Variants in APH1A observed in about 807,000 individuals in gnomAD.
APH1A encodes aph-1A gamma-secretase subunit, also known as gamma-secretase subunit APH-1A.
Under a neutral mutation model 30.3 loss-of-function variants are expected in APH1A, and 16 were observed. That is an observed-to-expected ratio of 0.53 (90% CI 0.36 to 0.80). The LOEUF is 0.80. APH1A is among the 30% of genes least tolerant of loss of function. The pLI, the probability that APH1A is intolerant of heterozygous loss-of-function variation, is 0.01. For missense variants in APH1A, 245 were observed against 337.8 expected (o/e 0.73, Z 2.15); for synonymous variants, 144 against 140.1 (o/e 1.03, Z -0.20).
intron 6 of APH1A, 102 bp downstream of exon 6, chr1:150,266,431 A>C: frequency 6.3e-7 from 1 of 1,576,466 alleles, no homozygotes; most frequent in Non-Finnish European, 8.6e-7. Context: ...AAGGAGACAG[A>C]GAATGTGGGC....
At chr1:150,268,467 C>T (rs920130837) in intron 1 of APH1A, 10 of 599,544 alleles carry the variant, frequency 1.7e-5, no homozygotes, top group Non-Finnish European at 2.6e-5. Flanking sequence ...GGCCTTGGGC[C>T]TTCTCTGACG....
At chr1:150,266,260 C>A in intron 6 of APH1A, 66 bp from the exon 7 acceptor site, 1 of 1,549,534 alleles carries the variant, frequency 6.5e-7, no homozygotes, top group South Asian at 1.2e-5. Context: ...AGGGGGAGTC[C>A]TGGACACAAC....
At chr1:150,266,475 G>T (rs1553849911) in intron 6 of APH1A, 58 bp downstream of exon 6, 13 of 1,611,076 alleles carry the variant, frequency 8.1e-6, no homozygotes, top group Non-Finnish European at 1.1e-5. Flanking sequence ...CTCAGTCATG[G>T]GCAGTGGACA....
chr1:150,266,679 G>A, intron 5 of APH1A, 23 bp from the exon 6 acceptor site: 1 of 1,612,998 alleles, frequency 6.2e-7, no homozygotes, highest in East Asian at 2.2e-5. Context: ...GTAAGAGTAG[G>A]AAAGAGATTA....
In APH1A at chr1:150,267,358, G is replaced by T; in HGVS notation, c.479C>A (p.Ser160Ter). 6.2e-7 allele frequency: 1 copy of T among 1,614,138 alleles called. No homozygotes were observed. Among genetic ancestry groups the T allele is most frequent in the Non-Finnish European group, 8.5e-7 (1 of 1,180,006 alleles). The change falls in exon 4 of 7, where the codon TCA (serine) becomes TAA (stop). Residue 160 changes from serine to a stop codon, truncating the protein, a stop_gained and splice_region_variant. Transcript: ENST00000369109. LOFTEE classifies it high-confidence loss of function. ...GCTAGATAGAAGGTGGATCTTACCTGAAGTCAGGAAGTAATAGGGTGAGTC... is the reference window on the plus strand; with the variant it reads ...GCTAGATAGAAGGTGGATCTTACCTTAAGTCAGGAAGTAATAGGGTGAGTC... ...HGDSPYYFLT[S>*]AFLTAAIILL...
intron 5 of APH1A, 111 bp downstream of exon 5, chr1:150,266,963 TC>T: frequency 6.6e-7 from 1 of 1,510,060 alleles, no homozygotes; most frequent in South Asian, 1.3e-5. Flanking sequence ...TCACCTTTCC[TC>T]CTCCTCCCAG....
Position 150,266,515 on chromosome 1 carries a change from C to T in APH1A, c.733+18G>A. Reference sequence around the variant, plus strand: ...GGTGGGATCTGTCAGGCGATCAGTCCAGGTAGTCAGTCCTTACACAAGAGG... The same window carrying T: ...GGTGGGATCTGTCAGGCGATCAGTCTAGGTAGTCAGTCCTTACACAAGAGG... On this transcript the variant is annotated intron_variant, in intron 6 of 6. Coordinates refer to ENST00000369109, the MANE Select transcript of APH1A (RefSeq NM_001077628.3). 1.9e-6 allele frequency: 3 copies of T among 1,613,962 alleles called. No homozygotes were observed. The East Asian group carries it at 6.7e-5, about 36-fold the overall frequency.
In APH1A at chr1:150,268,033, C is replaced by T. The variant is rs373094296; in HGVS notation, c.208G>A (p.Gly70Ser). ...ACAGCAGCACCAAAAATCAGGAGGC[C>T]GTACTGGAGCCGGGCATCTGACCGG... ...TDRSDARLQYGLLIFGAAVSV... is the reference protein window; with the variant it reads ...TDRSDARLQYSLLIFGAAVSV... Residue 70 changes from glycine to serine, a missense_variant, in exon 2 of 7, where the codon GGC becomes AGC. Gly to Ser is a moderately conservative substitution (Grantham distance 56). Transcript: ENST00000369109. 14 of 1,613,974 alleles carry T rather than the reference C, an allele frequency of 8.7e-6. No homozygotes were observed. The African/African-American group carries it at 9.3e-5, about 11-fold the overall frequency.
chr1:150,266,417 C>T (rs200341358), intron 6 of APH1A, 116 bp downstream of exon 6: 11 of 1,554,146 alleles, frequency 7.1e-6, no homozygotes, highest in South Asian at 3.7e-5. Flanking sequence ...GGTAGACCGA[C>T]GAGAAGGAGA....
At chr1:150,266,790 T>G (rs1651763359) in intron 5 of APH1A, 134 bp from the exon 6 acceptor site, 7 of 1,213,478 alleles carry the variant, frequency 5.8e-6, no homozygotes, top group Non-Finnish European at 6.8e-6. Context: ...CACCAACATC[T>G]TGTGGTTAAG....
rs1465979209 is a variant in APH1A at position 150,268,022 on chromosome 1, A to T, written c.219T>A (p.Ile73=). The stretch of plus-strand genomic sequence containing the variant: ...GAAGGACAGAGACAGCAGCACCAAA[A>T]ATCAGGAGGCCGTACTGGAGCCGGG... The part of the protein sequence containing the change: ...SDARLQYGLL[I]FGAAVSVLLQ... The change falls in exon 2 of 7, where the codon ATT becomes ATA. Residue 73 remains isoleucine, a synonymous_variant. Coordinates refer to ENST00000369109, the MANE Select transcript of APH1A (RefSeq NM_001077628.3). 6 of 1,614,122 alleles carry T rather than the reference A, an allele frequency of 3.7e-6. No homozygotes were observed. The South Asian group carries it at 6.6e-5, about 18-fold the overall frequency.
Position 150,265,941 on chromosome 1 carries a change from G to C in APH1A, c.*189C>G, listed in dbSNP as rs1201890717. The C allele has an allele frequency of 1.5e-6, 1 of 683,024 alleles. No individual in the cohort carries two copies. Among genetic ancestry groups the C allele is most frequent in the African/African-American group, 1.8e-5 (1 of 55,066 alleles). 42.3% of individuals were successfully genotyped at this position (683,024 alleles called of 1,614,324 possible). On this transcript the variant is annotated 3_prime_UTR_variant, in exon 7 of 7. Coordinates refer to ENST00000369109, the MANE Select transcript of APH1A (RefSeq NM_001077628.3). ...CCTGAGAAAAAGACCAAGATGTCCA[G>C]TCTTGAGGGAGTACTGAGAAACTCA...
Position 150,266,170 on chromosome 1 carries a change from AC to A in APH1A, c.757del (p.Val253Ter). The A allele has an allele frequency of 6.2e-7, 1 of 1,602,384 alleles. No homozygotes were observed. The highest frequency in any genetic ancestry group is 8.5e-7 in the Non-Finnish European group (1 of 1,174,622). On this transcript the variant is annotated frameshift_variant, in exon 7 of 7. Coordinates refer to ENST00000369109, the MANE Select transcript of APH1A (RefSeq NM_001077628.3). LOFTEE classifies it high-confidence loss of function. ...LLCRRQEDSR[V>X]MVYSALRIPP... ...GATGCGCAGGGCAGAATACACCATCACCCGACTGTCCTCCTGCCGTCGGCCT... is the reference window on the plus strand; with the variant it reads ...GATGCGCAGGGCAGAATACACCATCACCGACTGTCCTCCTGCCGTCGGCCT...
At chr1:150,266,854 T>A in intron 5 of APH1A, 198 bp from the exon 6 acceptor site, 1 of 1,018,756 alleles carries the variant, frequency 9.8e-7, no homozygotes, top group Non-Finnish European at 1.4e-6. Flanking sequence ...CCGCTCCTGC[T>A]CACCTCAGGC....
Position 150,267,192 on chromosome 1 carries a change from T to C in APH1A, c.492A>G (p.Thr164=), listed in dbSNP as rs1651796862. ...AGGTATGGAGCAGGATAATGGCTGC[T>C]GTCAGAAAGGCTGCAGGGAGGGAGA... ...PYYFLTSAFL[T]AAIILLHTFW... is the part of the protein sequence containing the mutation. The change falls in exon 5 of 7, where the codon ACA becomes ACG. Residue 164 remains threonine (T), a synonymous_variant. Coordinates refer to ENST00000369109, the MANE Select transcript of APH1A (RefSeq NM_001077628.3). The C allele has an allele frequency of 6.2e-7, 1 of 1,614,074 alleles. No individual in the cohort carries two copies. The highest frequency in any genetic ancestry group is 1.3e-5 in the African/African-American group (1 of 74,916).
chr1:150,268,496 G>A, intron 1 of APH1A: 1 of 616,904 alleles, frequency 1.6e-6, no homozygotes, highest in Non-Finnish European at 2.8e-6. Flanking sequence ...AGGAATATAG[G>A]AGGAATCTGT....
At chr1:150,267,918 C>G in intron 2 of APH1A, 39 bp downstream of exon 2, 1 of 1,613,188 alleles carries the variant, frequency 6.2e-7, no homozygotes, top group Non-Finnish European at 8.5e-7. Context: ...TAGTGCAGTC[C>G]TTTGCCCCTC....
intron 5 of APH1A, 199 bp downstream of exon 5, chr1:150,266,876 C>A (rs1651769243): frequency 9.4e-7 from 1 of 1,062,162 alleles, no homozygotes; most frequent in Admixed American, 2.8e-5. Context: ...CTCTGCATTA[C>A]AGTTTGACTA....
rs1038170929 is a variant in APH1A, at chr1:150,265,943, C to T, written c.*187G>A. On this transcript the variant is annotated 3_prime_UTR_variant, in exon 7 of 7. Coordinates refer to ENST00000369109, the MANE Select transcript of APH1A (RefSeq NM_001077628.3). The stretch of plus-strand genomic sequence containing the variant: ...TGAGAAAAAGACCAAGATGTCCAGT[C>T]TTGAGGGAGTACTGAGAAACTCAGA... 2.9e-6 allele frequency: 2 copies of T among 694,626 alleles called. No individual in the cohort carries two copies. Among genetic ancestry groups the T allele is most frequent in the Admixed American group, 3.2e-5 (1 of 30,968 alleles). The allele number at this position is 694,626 out of a possible 1,614,324, so 43.0% of individuals were successfully genotyped here. A position where few individuals can be genotyped will look rare whatever the true frequency, so the allele number is the denominator to read the frequency against.
Sources: allele counts gnomAD v4.1 joint callset, GRCh38; gene constraint gnomAD v4.1.1; transcripts MANE v1.5; gene names NCBI Gene and HGNC (gene_info 2026-07-23, HGNC 2026-07-21).